Variants in RYR2 observed in about 807,000 individuals in gnomAD.
RYR2 encodes the protein ryanodine receptor 2.
Under a neutral mutation model 601.1 loss-of-function variants are expected in RYR2, and 227 were observed. That is an observed-to-expected ratio of 0.38 (90% CI 0.34 to 0.42). The LOEUF is 0.42. Among genes scored for constraint, RYR2 ranks in the 10% least tolerant of loss-of-function variants. The pLI, the probability that RYR2 is intolerant of heterozygous loss-of-function variation, is 1.00. For missense variants in RYR2, 4,646 were observed against 6,156.5 expected, an observed-to-expected ratio of 0.75 and a Z score of 8.21; for synonymous variants, 2,223 against 2,175.1, an observed-to-expected ratio of 1.02 and a Z score of -0.61.
intron 1 of RYR2, among the ~76,000 whole-genome samples, chr1:237,146,903 G>C (rs1674061160): frequency 6.6e-6 from 1 of 152,102 alleles, no homozygotes; most frequent in South Asian, 2.1e-4. Context: ...TAGAATAATT[G>C]CCTGCTTATA....
intron 42 of RYR2, among the ~76,000 whole-genome samples, 161 bp downstream of exon 42, chr1:237,631,702 A>G (rs1272323770): frequency 7.9e-6 from 1 of 126,938 alleles, no homozygotes; most frequent in Non-Finnish European, 1.6e-5. Flanking sequence ...ATCTCGGCTC[A>G]CTGCAAGCTC....
chr1:237,569,071 C>A, intron 28 of RYR2, 74 bp from the exon 29 acceptor site: 2 of 1,366,964 alleles, frequency 1.5e-6, no homozygotes, highest in East Asian at 2.4e-5. Flanking sequence ...GCTGTTAGGT[C>A]GTGACAGAGT....
In RYR2 at chr1:237,423,169, T is replaced by C. The variant is rs542853582; in HGVS notation, c.926T>C (p.Met309Thr). The C allele has an allele frequency of 2.8e-5, 45 of 1,613,768 alleles. No homozygotes were observed. In the Admixed American group the frequency reaches 7.3e-4, roughly 26 times the overall value. ...HVTTGKYLSLMEDKNLLLMDK... is the reference protein window; with the variant it reads ...HVTTGKYLSLTEDKNLLLMDK... ...ACAACAGGAAAATACTTGAGTCTCATGGAAGACAAAAACCTTCTACTCATG... is the reference window on the plus strand; with the variant it reads ...ACAACAGGAAAATACTTGAGTCTCACGGAAGACAAAAACCTTCTACTCATG... Residue 309 changes from methionine to threonine, a missense_variant, in exon 12 of 105, where the codon ATG (methionine) becomes ACG (threonine). Met to Thr is a moderately conservative substitution (Grantham distance 81). Coordinates refer to ENST00000366574, the MANE Select transcript of RYR2 (RefSeq NM_001035.3).
At chr1:237,673,776 G>T (rs1685159356) in intron 58 of RYR2, among the ~76,000 whole-genome samples, 1 of 152,156 alleles carries the variant, frequency 6.6e-6, no homozygotes, top group Non-Finnish European at 1.5e-5. Flanking sequence ...TCCACATTCA[G>T]AATTGCTTTG....
intron 58 of RYR2, among the ~76,000 whole-genome samples, chr1:237,672,195 C>G (rs576397026): frequency 1.5e-3 from 229 of 152,112 alleles, no homozygotes; most frequent in Non-Finnish European, 3.0e-3. Context: ...CAATGAAGGT[C>G]GAAGAGGGTG....
intron 11 of RYR2, among the ~76,000 whole-genome samples, chr1:237,419,475 T>C (rs1705344745): frequency 6.6e-6 from 1 of 152,110 alleles, no homozygotes; most frequent in Non-Finnish European, 1.5e-5. Flanking sequence ...AAATAGAAGT[T>C]TGGAGTTTAT....
chr1:237,496,127 G>A (rs1401953436), intron 19 of RYR2, among the ~76,000 whole-genome samples: 2 of 152,180 alleles, frequency 1.3e-5, no homozygotes, highest in Non-Finnish European at 2.9e-5. Context: ...AGATGTGGCT[G>A]GGCACGGTGG....
rs375643512 is a variant in RYR2, at chr1:237,614,153, C to A, written c.5025C>A (p.Ala1675=). 1.2e-6 allele frequency: 2 copies of A among 1,614,034 alleles called. No individual in the cohort carries two copies. Among genetic ancestry groups the A allele is most frequent in the Non-Finnish European group, 1.7e-6 (2 of 1,179,908 alleles). ...TTGGGAACCACCGGGTGGCCCATGC[C>A]CTGTGCAGCCATGTGGATGAACCTC... ...CALGNHRVAH[A]LCSHVDEPQL... is the part of the protein sequence containing the mutation. The change falls in exon 37 of 105, where the codon GCC becomes GCA. Residue 1675 remains alanine (A), a synonymous_variant. Coordinates refer to ENST00000366574, the MANE Select transcript of RYR2 (RefSeq NM_001035.3). The surrounding 1 kb of genome is among the most constrained non-coding windows in gnomAD (Gnocchi z 4.3).
chr1:237,694,037 G>A (rs1260814486), intron 63 of RYR2, among the ~76,000 whole-genome samples: 1 of 152,178 alleles, frequency 6.6e-6, no homozygotes. Flanking sequence ...GCTCACGCCT[G>A]TAATCCCAGC....
chr1:237,193,165 T>TGCAA (rs1402978522), intron 1 of RYR2, among the ~76,000 whole-genome samples: 1 of 2,750 alleles, frequency 3.6e-4, no homozygotes, highest in African/African-American at 6.2e-4. Context: ...CTGCTAAAAG[T>TGCAA]ACAAAAAAAA....
At chr1:237,364,987 AG>A (rs1173314418) in intron 5 of RYR2, among the ~76,000 whole-genome samples, 3 of 152,246 alleles carry the variant, frequency 2.0e-5, no homozygotes, top group African/African-American at 7.2e-5. Context: ...AAAAGAGTAA[AG>A]CATGTGGACA....
intron 80 of RYR2, among the ~76,000 whole-genome samples, chr1:237,751,632 A>G (rs1692540940): frequency 6.6e-6 from 1 of 152,236 alleles, no homozygotes; most frequent in African/African-American, 2.4e-5. Context: ...ATTACACAGT[A>G]TATCTAACGT....
intron 24 of RYR2, among the ~76,000 whole-genome samples, chr1:237,516,154 A>G (rs767921683): frequency 4.6e-5 from 7 of 152,014 alleles, no homozygotes; most frequent in Non-Finnish European, 7.4e-5. Flanking sequence ...TCTGTTGCCT[A>G]GGCTGGAGTG....
intron 14 of RYR2, among the ~76,000 whole-genome samples, chr1:237,448,943 G>A (rs977002403): frequency 6.6e-6 from 1 of 151,868 alleles, no homozygotes; most frequent in Non-Finnish European, 1.5e-5. Flanking sequence ...GTTTTAAATT[G>A]TATTGTTTAA....
At chr1:237,128,960 C>T (rs1671841585) in intron 1 of RYR2, among the ~76,000 whole-genome samples, 1 of 151,982 alleles carries the variant, frequency 6.6e-6, no homozygotes, top group Admixed American at 6.6e-5. Context: ...ATAGAGCTGC[C>T]ATTTTCTGGT....
rs377624053 is a variant in RYR2, at chr1:237,759,878, G to A, written c.11402+26G>A. The A allele has an allele frequency of 3.1e-4, 455 of 1,446,366 alleles. 2 individuals are homozygous for A. In the African/African-American group the frequency reaches 5.9e-3, roughly 19 times the overall value. 89.6% of individuals were successfully genotyped at this position (1,446,366 alleles called of 1,614,324 possible). On this transcript the variant is annotated intron_variant, in intron 83 of 104. Coordinates refer to ENST00000366574, the MANE Select transcript of RYR2 (RefSeq NM_001035.3). ...GTAAGGACTCACTTCCTTCTTGGGG[G>A]TTCTACTCAGTGGTTGTATTTTTTC...
intron 1 of RYR2, among the ~76,000 whole-genome samples, chr1:237,269,063 A>G (rs1376482431): frequency 1.9e-5 from 2 of 102,876 alleles, no homozygotes; most frequent in Non-Finnish European, 1.8e-5. Flanking sequence ...TTTTTGTGAG[A>G]CAGAGTTTCG....
At chr1:237,329,395 A>C (rs994941731) in intron 2 of RYR2, among the ~76,000 whole-genome samples, 1 of 152,026 alleles carries the variant, frequency 6.6e-6, no homozygotes, top group South Asian at 2.1e-4. Flanking sequence ...TAATCCCAGC[A>C]CTTTGGGAGG....
chr1:237,578,896 C>T (rs1342011443), intron 29 of RYR2, among the ~76,000 whole-genome samples: 9 of 152,294 alleles, frequency 5.9e-5, no homozygotes, highest in Admixed American at 2.6e-4. Context: ...TAAGATGGTC[C>T]TGGCCACATG....
Sources: gnomAD v4.1 joint callset for allele counts (sites outside exome capture counted in the v4.1 genomes callset) on GRCh38, gnomAD v4.1.1 for gene constraint, Gnocchi (gnomAD v3.1) non-coding constraint, MANE v1.5 for transcripts, NCBI Gene and HGNC (gene_info 2026-07-23, HGNC 2026-07-21) for gene names.